The following PSD3 variants were observed in gnomAD, a reference collection of about 807,000 sequenced individuals.
The protein encoded by PSD3 is PH and SEC7 domain-containing protein 3.
In PSD3, 49 loss-of-function variants were observed where a neutral mutation model predicts 105.5. The ratio of observed to expected loss-of-function variants is 0.46; its 90% CI spans 0.37 to 0.59. The LOEUF (loss-of-function observed/expected upper bound fraction) is 0.59. Ranked by LOEUF, PSD3 falls within the 20% of genes least tolerant of loss-of-function variation. The probability of loss-of-function intolerance (pLI) is 0.00; values close to 1 mark genes in which losing one functional copy is unlikely to be tolerated. For synonymous variants in PSD3, 557 were observed against 457.8 expected, an observed-to-expected ratio of 1.22 and a Z score of -2.77; for missense variants, 1,561 against 1,263.8, an observed-to-expected ratio of 1.24 and a Z score of -3.57.
At chr8:19,051,432 C>T (rs1010895702) in intron 1 of PSD3, among the ~76,000 whole-genome samples, 5 of 152,156 alleles carry the variant, frequency 3.3e-5, no homozygotes, top group African/African-American at 1.2e-4. Flanking sequence ...CTATAAACTC[C>T]ATGAATGCAG....
At chr8:19,054,640 TC>T (rs386723191) in intron 1 of PSD3, among the ~76,000 whole-genome samples, 20 of 152,366 alleles carry the variant, frequency 1.3e-4, no homozygotes, top group African/African-American at 4.8e-4. Flanking sequence ...CCAGATTTAT[TC>T]CAAGGAATTC....
intron 1 of PSD3, among the ~76,000 whole-genome samples, chr8:18,937,142 CA>C (rs1822192643): frequency 6.6e-6 from 1 of 152,192 alleles, no homozygotes; most frequent in African/African-American, 2.4e-5. Flanking sequence ...TGTCAAAAAT[CA>C]GGAGTGTCTC....
At chr8:18,638,957 GA>G (rs937731476) in intron 10 of PSD3, among the ~76,000 whole-genome samples, 3 of 152,190 alleles carry the variant, frequency 2.0e-5, no homozygotes, top group African/African-American at 7.2e-5. Context: ...TATAATGGGG[GA>G]AACTACAGAA....
In PSD3 at chr8:18,776,265, TATATATAATGTATAA is replaced by T. The variant is rs1345283614; in HGVS notation, c.2083-10742_2083-10728del. Among the ~76,000 whole-genome samples the T allele has an allele frequency of 2.2e-3, 314 of 142,954 alleles. 1 individual carries two copies. Among genetic ancestry groups the T allele is most frequent in the African/African-American group, 7.9e-3 (290 of 36,920 alleles). 93.8% of individuals were successfully genotyped at this position (142,954 alleles called of 152,430 possible). On this transcript the variant is annotated intron_variant, in intron 8 of 15. Transcript: ENST00000327040. The stretch of plus-strand genomic sequence containing the variant: ...CCATGGCTCTCTCTCTCTCTCTATA[TATATATAATGTATAA>T]ATATATATATAATGTATAAATATAT...
At chr8:18,682,596 C>T (rs1022545828) in intron 9 of PSD3, among the ~76,000 whole-genome samples, 6 of 152,048 alleles carry the variant, frequency 3.9e-5, no homozygotes, top group Non-Finnish European at 7.4e-5. Context: ...CTTACTGGAG[C>T]CAGGCAATTT....
chr8:18,761,615 A>T (rs961609246), intron 9 of PSD3, among the ~76,000 whole-genome samples: 5 of 152,156 alleles, frequency 3.3e-5, no homozygotes, highest in African/African-American at 1.2e-4. Context: ...CTGTCTCTCA[A>T]AACACAGCCT....
intron 15 of PSD3, among the ~76,000 whole-genome samples, chr8:18,544,375 C>T (rs1029915114): frequency 6.6e-6 from 1 of 151,894 alleles, no homozygotes; most frequent in Non-Finnish European, 1.5e-5. Flanking sequence ...AACAGAGTTC[C>T]TGTATGAAAG....
intron 4 of PSD3, among the ~76,000 whole-genome samples, chr8:18,842,745 T>C (rs570667433): frequency 7.4e-5 from 11 of 148,300 alleles, no homozygotes; most frequent in East Asian, 2.0e-4. Flanking sequence ...AAAAAAAAAA[T>C]TGTATGGCTT....
At chr8:18,811,535 G>C (rs958535307) in intron 4 of PSD3, among the ~76,000 whole-genome samples, 1 of 152,124 alleles carries the variant, frequency 6.6e-6, no homozygotes, top group Non-Finnish European at 1.5e-5. Context: ...GAAAAAAATA[G>C]AGCAAAGATA....
intron 1 of PSD3, among the ~76,000 whole-genome samples, chr8:18,963,911 C>A (rs1824083457): frequency 6.6e-6 from 1 of 152,136 alleles, no homozygotes; most frequent in Non-Finnish European, 1.5e-5. Flanking sequence ...TACTTACTGT[C>A]TCTCTGTGAA....
chr8:18,796,408 G>A (rs1361400599), intron 8 of PSD3, among the ~76,000 whole-genome samples: 1 of 152,056 alleles, frequency 6.6e-6, no homozygotes, highest in Non-Finnish European at 1.5e-5. Context: ...TTACCCAAAT[G>A]GCAAAGAGTA....
intron 1 of PSD3, among the ~76,000 whole-genome samples, chr8:19,026,940 G>A (rs1827577534): frequency 6.6e-6 from 1 of 152,142 alleles, no homozygotes; most frequent in Non-Finnish European, 1.5e-5. Context: ...ATGAGTGAGT[G>A]AAAGAATTCT....
chr8:18,836,733 G>A (rs562528255), intron 4 of PSD3, among the ~76,000 whole-genome samples: 1 of 152,048 alleles, frequency 6.6e-6, no homozygotes, highest in East Asian at 1.9e-4. Context: ...TGATAATACT[G>A]AATACAATGC....
intron 4 of PSD3, among the ~76,000 whole-genome samples, chr8:18,832,442 G>T (rs1813753925): frequency 6.6e-6 from 1 of 151,984 alleles, no homozygotes; most frequent in African/African-American, 2.4e-5. Flanking sequence ...AGGCTTATTG[G>T]CCACACTCCT....
intron 4 of PSD3, among the ~76,000 whole-genome samples, chr8:18,855,593 A>G (rs1354406103): frequency 1.3e-5 from 2 of 152,230 alleles, no homozygotes; most frequent in Non-Finnish European, 2.9e-5. Flanking sequence ...AAAAGCAGCC[A>G]CCACTGCCAG....
At chr8:18,741,795 T>TAAAAAA (rs3042866) in intron 9 of PSD3, among the ~76,000 whole-genome samples, 1 of 79,694 alleles carries the variant, frequency 1.3e-5, no homozygotes, top group Admixed American at 1.3e-4. Flanking sequence ...AATTTTATTG[T>TAAAAAA]AAAAAAAAAA....
chr8:18,716,011 C>T (rs998267880), intron 9 of PSD3, among the ~76,000 whole-genome samples: 5 of 152,108 alleles, frequency 3.3e-5, no homozygotes, highest in South Asian at 2.1e-4. Flanking sequence ...GGTGCTTTAA[C>T]GAACAAAAGT....
chr8:18,803,215 A>G, intron 6 of PSD3: 1 of 170,982 alleles, frequency 5.8e-6, no homozygotes, highest in Non-Finnish European at 1.1e-5. Context: ...TGAACCTGGG[A>G]GGTGGAGGTT....
At chr8:18,767,641 G>T in intron 8 of PSD3, among the ~76,000 whole-genome samples, 1 of 152,130 alleles carries the variant, frequency 6.6e-6, no homozygotes, top group Non-Finnish European at 1.5e-5. Flanking sequence ...CAGCTACTTG[G>T]GAGGCTGAGG....
Sources: allele counts gnomAD v4.1 joint callset (sites outside exome capture counted in the v4.1 genomes callset), GRCh38; gene constraint gnomAD v4.1.1; transcripts MANE v1.5; gene names NCBI Gene and HGNC (gene_info 2026-07-23, HGNC 2026-07-21).